Variants in GALNT11 observed in about 807,000 individuals in gnomAD.
The protein encoded by GALNT11 is UDP-GalNAc:polypeptide N-acetylgalactosaminyltransferase 11.
Under a neutral mutation model 72.7 loss-of-function variants are expected in GALNT11, and 47 were observed. The observed-to-expected ratio is 0.65, with a 90% confidence interval of 0.51 to 0.82. The LOEUF is 0.82. Ranked by LOEUF, GALNT11 falls within the 40% of genes least tolerant of loss-of-function variation. The pLI, the probability that GALNT11 is intolerant of heterozygous loss-of-function variation, is 0.00. For synonymous variants in GALNT11, 270 were observed against 286.6 expected (o/e 0.94, Z 0.58); for missense variants, 677 against 778.4 (o/e 0.87, Z 1.55).
intron 1 of GALNT11, among the ~76,000 whole-genome samples, chr7:152,067,121 C>T (rs2084357090): frequency 6.6e-6 from 1 of 152,164 alleles, no homozygotes; most frequent in African/African-American, 2.4e-5. Flanking sequence ...AGATGTCCCT[C>T]AGTTGGGATT....
chr7:152,090,606 A>C (rs2085947328), intron 1 of GALNT11, among the ~76,000 whole-genome samples: 1 of 151,936 alleles, frequency 6.6e-6, no homozygotes, highest in African/African-American at 2.4e-5. Flanking sequence ...CCTTGACCCC[A>C]CTGGTCGCAC....
Position 152,116,699 on chromosome 7 carries a change from A to T in GALNT11, c.1234-458A>T, listed in dbSNP as rs1165209910. On this transcript the variant is annotated intron_variant, in intron 8 of 11. Coordinates refer to ENST00000430044, the MANE Select transcript of GALNT11 (RefSeq NM_022087.4). ...AAAAATACATATATTTAACCAAAACAACACACTGCAACAGGCTAAATGCAG... is the reference window on the plus strand; with the variant it reads ...AAAAATACATATATTTAACCAAAACTACACACTGCAACAGGCTAAATGCAG... 1.2e-4 allele frequency among the ~76,000 whole-genome samples: 18 copies of T among 152,354 alleles called. No homozygotes were observed. In the South Asian group the frequency reaches 1.7e-3, roughly 14 times the overall value.
At chr7:152,080,817 A>G (rs2085278704) in intron 1 of GALNT11, among the ~76,000 whole-genome samples, 1 of 151,900 alleles carries the variant, frequency 6.6e-6, no homozygotes, top group African/African-American at 2.4e-5. Context: ...AAAAACACAA[A>G]ATATTAGCCG....
At chr7:152,115,240 C>T (rs1165851939) in intron 8 of GALNT11, among the ~76,000 whole-genome samples, 3 of 152,080 alleles carry the variant, frequency 2.0e-5, no homozygotes, top group Admixed American at 6.5e-5. Context: ...CCTCTTTGAC[C>T]GTGTTGACAT....
At chr7:152,033,333 C>CT (rs1361787134) in intron 1 of GALNT11, among the ~76,000 whole-genome samples, 3 of 152,188 alleles carry the variant, frequency 2.0e-5, no homozygotes, top group African/African-American at 7.2e-5. Flanking sequence ...TTCTGAACCA[C>CT]CAAAGGTTTG....
At chr7:152,029,402 G>T (rs1482695857) in intron 1 of GALNT11, among the ~76,000 whole-genome samples, 1 of 152,192 alleles carries the variant, frequency 6.6e-6, no homozygotes, top group Non-Finnish European at 1.5e-5. Flanking sequence ...TAGTTGTATG[G>T]CTCTGCACTG....
intron 1 of GALNT11, chr7:152,027,761 T>G (rs1406578329): frequency 6.3e-6 from 1 of 157,924 alleles, no homozygotes; most frequent in African/African-American, 2.4e-5. Flanking sequence ...GAGAGTTTGT[T>G]CCTTCTGATG....
rs1012045125 is a variant in GALNT11 at position 152,094,319 on chromosome 7, G to T, written c.92G>T (p.Ser31Ile). 3.7e-6 allele frequency: 6 copies of T among 1,614,130 alleles called. No homozygotes were observed. Among genetic ancestry groups the T allele is most frequent in the Non-Finnish European group, 5.1e-6 (6 of 1,180,024 alleles). Residue 31 changes from serine (S) to isoleucine (I), a missense_variant, in exon 2 of 12, where the codon AGT (serine) becomes ATT (isoleucine). By Grantham distance (142) the Ser-to-Ile change is moderately radical. Transcript: ENST00000430044. This position sits in a 1 kb window ranked among gnomAD's most constrained non-coding sequence, Gnocchi z 4.3. ...TTGCTTTTTGTTTATTTCAACTTCA[G>T]TGAAGTGACTCAGCCACTTAAGAAT... ...TVLLFVYFNF[S>I]EVTQPLKNVP...
In GALNT11 at chr7:152,108,256, G is replaced by C. The variant is rs755227324; in HGVS notation, c.931G>C (p.Gly311Arg). 10 of 1,613,306 alleles carry C rather than the reference G, an allele frequency of 6.2e-6. No individual in the cohort carries two copies. The highest frequency in any genetic ancestry group is 8.5e-6 in the Non-Finnish European group (10 of 1,179,266). The change falls in exon 6 of 12, where the codon GGA becomes CGA. Residue 311 changes from glycine to arginine, a missense_variant. Physicochemically the swap from Gly to Arg is moderately radical, Grantham distance 125. Coordinates refer to ENST00000430044, the MANE Select transcript of GALNT11 (RefSeq NM_022087.4). ...KWDLVPLSELGRAEGATAPIK... is the reference protein window; with the variant it reads ...KWDLVPLSELRRAEGATAPIK... ...GGATCTTGTCCCCCTTTCTGAGCTA[G>C]GACGAGCGGAGGGAGCCACTGCACC...
chr7:152,075,211 T>C (rs2084886073), intron 1 of GALNT11: 1 of 152,320 alleles, frequency 6.6e-6, no homozygotes, highest in African/African-American at 2.4e-5. Flanking sequence ...TCTTTCCAGG[T>C]TTCCAGCACA....
intron 1 of GALNT11, among the ~76,000 whole-genome samples, chr7:152,067,693 G>A (rs1401368366): frequency 6.6e-6 from 1 of 152,102 alleles, no homozygotes; most frequent in African/African-American, 2.4e-5. Flanking sequence ...AGGACTTCTG[G>A]TCCTTTTTTA....
At chr7:152,099,530 GTTTTTTTTTTTTTTT>G (rs1009548038) in intron 2 of GALNT11, among the ~76,000 whole-genome samples, 5 of 57,790 alleles carry the variant, frequency 8.7e-5, no homozygotes, top group Non-Finnish European at 1.3e-4. Flanking sequence ...CTCCCGCCTA[GTTTTTTTTTTTTTTT>G]TTTTTTTTTT....
intron 10 of GALNT11, chr7:152,119,370 TG>T (rs1370901589): frequency 1.3e-5 from 2 of 152,136 alleles, no homozygotes; most frequent in Non-Finnish European, 2.9e-5. Context: ...AATAGCATAA[TG>T]GAACAGCAGT....
chr7:152,059,111 T>C (rs887224715), intron 1 of GALNT11, among the ~76,000 whole-genome samples: 12 of 152,332 alleles, frequency 7.9e-5, no homozygotes, highest in Admixed American at 7.8e-4. Context: ...GTTGTTGTTT[T>C]GTGAGATACA....
chr7:152,103,411 C>A (rs2087177253), intron 4 of GALNT11, 133 bp downstream of exon 4: 2 of 814,788 alleles, frequency 2.5e-6, no homozygotes, highest in Non-Finnish European at 3.7e-6. Context: ...GCTGGGCTGA[C>A]CACAAATAAG....
chr7:152,083,702 A>T (rs1162109733), intron 1 of GALNT11, among the ~76,000 whole-genome samples: 1 of 152,018 alleles, frequency 6.6e-6, no homozygotes, highest in Non-Finnish European at 1.5e-5. Flanking sequence ...TTTATAATTA[A>T]CTTGTCTAGC....
chr7:152,060,003 ATATT>A (rs2083909205), intron 1 of GALNT11, among the ~76,000 whole-genome samples: 1 of 151,800 alleles, frequency 6.6e-6, no homozygotes, highest in African/African-American at 2.4e-5. Context: ...CATTGAAAAT[ATATT>A]GTTTAGTGTA....
chr7:152,111,644 A>ATATTT (rs201303779), intron 7 of GALNT11, among the ~76,000 whole-genome samples: 3 of 139,210 alleles, frequency 2.2e-5, no homozygotes, highest in African/African-American at 8.1e-5. Flanking sequence ...ATATATATAT[A>ATATTT]TTTTTTTAAA....
chr7:152,084,391 A>C (rs2085507001), intron 1 of GALNT11, among the ~76,000 whole-genome samples: 1 of 151,586 alleles, frequency 6.6e-6, no homozygotes, highest in Non-Finnish European at 1.5e-5. Flanking sequence ...AAAAAAAAAA[A>C]AAAAAAAAAA....
Sources: gnomAD v4.1 joint callset for allele counts (sites outside exome capture counted in the v4.1 genomes callset) on GRCh38, gnomAD v4.1.1 for gene constraint, Gnocchi (gnomAD v3.1) non-coding constraint, MANE v1.5 for transcripts, NCBI Gene and HGNC (gene_info 2026-07-23, HGNC 2026-07-21) for gene names.